Variants in FGF16 observed in about 807,000 individuals in gnomAD.
The protein encoded by FGF16 is fibroblast growth factor 16, also known as metacarpal 4-5 fusion.
FGF16 carries 2 observed loss-of-function variants against 8.5 expected under a neutral mutation model. The ratio of observed to expected loss-of-function variants is 0.24; its 90% CI spans 0.10 to 0.75. The LOEUF is 0.75. Ranked by LOEUF, FGF16 falls within the 30% of genes least tolerant of loss-of-function variation. The probability of loss-of-function intolerance (pLI) is 0.74; values close to 1 mark genes in which losing one functional copy is unlikely to be tolerated. For synonymous variants in FGF16, 33 were observed against 34.6 expected, an observed-to-expected ratio of 0.95 and a Z score of 0.16; for missense variants, 79 against 87.4, an observed-to-expected ratio of 0.90 and a Z score of 0.38.
At chrX:77,454,790 CTTTTT>C (rs782722552) in intron 2 of FGF16, among the ~76,000 whole-genome samples, 1 of 81,152 alleles carries the variant, frequency 1.2e-5, no homozygotes, top group African/African-American at 4.7e-5. Flanking sequence ...CCAAAACAAG[CTTTTT>C]TTTTTTTTTT....
At position 77,456,530 on chromosome X, in the gene FGF16, C is replaced by G; in HGVS notation, c.*8C>G. Reference sequence around the variant, plus strand: ...CTCTTTCACTATAGGTAATGAACCTCTGGTGTGCCCTCTGTGACCCATGTA... The same window carrying G: ...CTCTTTCACTATAGGTAATGAACCTGTGGTGTGCCCTCTGTGACCCATGTA... On this transcript the variant is annotated 3_prime_UTR_variant, in exon 3 of 3. Coordinates refer to ENST00000439435, the MANE Select transcript of FGF16 (RefSeq NM_003868.3). The G allele has an allele frequency of 2.5e-5, 30 of 1,207,979 alleles. No individual in the cohort carries two copies. Among genetic ancestry groups the G allele is most frequent in the Non-Finnish European group, 3.4e-5 (30 of 892,576 alleles).
rs1569510623 is a variant in FGF16, at chrX:77,454,217, G to T, written c.335G>T (p.Gly112Val). Residue 112 changes from glycine (G) to valine (V), a missense_variant, in exon 2 of 3, where the codon GGC becomes GTC. Transcript: ENST00000439435. ...GLISIRGVDS[G>V]LYLGMNERGE... is the part of the protein sequence containing the mutation. ...ATCAGCATCCGGGGAGTGGACTCTG[G>T]CCTGTACCTAGGAATGAATGAGCGA... 1 of 1,173,228 alleles carries T rather than the reference G, an allele frequency of 8.5e-7. No individual in the cohort carries two copies. The highest frequency in any genetic ancestry group is 1.8e-5 in the South Asian group (1 of 55,410).
rs2062544715 is a variant in FGF16, at chrX:77,447,485, C to A, written c.-190C>A. On this transcript the variant is annotated 5_prime_UTR_variant, in exon 1 of 3. Transcript: ENST00000439435. Reference sequence around the variant, plus strand: ...GTCAGGAGCACGCTGCCCCGCGCTCCCCGCCACTGAGAAGTTCCTTGGACG... The same window carrying A: ...GTCAGGAGCACGCTGCCCCGCGCTCACCGCCACTGAGAAGTTCCTTGGACG... 1.1e-5 allele frequency: 3 copies of A among 277,100 alleles called. No individual in the cohort carries two copies. Among genetic ancestry groups the A allele is most frequent in the African/African-American group, 2.8e-5 (1 of 35,659 alleles). The allele number at this position is 277,100 out of a possible 1,213,427, so 22.8% of individuals were successfully genotyped here.
intron 1 of FGF16, among the ~76,000 whole-genome samples, chrX:77,452,752 A>G (rs2062560975): frequency 8.9e-6 from 1 of 111,815 alleles, no homozygotes; most frequent in Admixed American, 9.5e-5. Flanking sequence ...TACTCCCTAT[A>G]TAGATTACAT....
chrX:77,447,428 G>T lies in FGF16; in HGVS notation c.-247G>T, dbSNP rs1237179873. On this transcript the variant is annotated 5_prime_UTR_variant, in exon 1 of 3. Transcript: ENST00000439435. The stretch of plus-strand genomic sequence containing the variant: ...ATGAGAGGCCGGGGGAGATGGATGC[G>T]GAGGGGAAGAGGCACTTTGACTGAG... The T allele has an allele frequency of 2.7e-5, 7 of 256,974 alleles. No individual in the cohort carries two copies. Among genetic ancestry groups the T allele is most frequent in the African/African-American group, 1.7e-4 (6 of 35,048 alleles). The allele number at this position is 256,974 out of a possible 1,213,427, so 21.2% of individuals were successfully genotyped here. A position where few individuals can be genotyped will look rare whatever the true frequency, so the allele number is the denominator to read the frequency against.
rs1557026863 is a variant in FGF16, at chrX:77,454,242, A to G, written c.360A>G (p.Arg120=). The change falls in exon 2 of 3, where the codon CGA becomes CGG. Residue 120 remains arginine, a synonymous_variant. Transcript: ENST00000439435. The part of the protein sequence containing the change: ...DSGLYLGMNE[R]GELYGSKKLT... ...GCCTGTACCTAGGAATGAATGAGCG[A>G]GGAGAACTCTATGGGTCGGTAAGTT... is the stretch of plus-strand genomic sequence containing the variant. 2 of 616,619 alleles carry G rather than the reference A, an allele frequency of 3.2e-6. No individual in the cohort carries two copies. The highest frequency in any genetic ancestry group is 2.9e-5 in the Admixed American group (1 of 34,731). 50.8% of individuals were successfully genotyped at this position (616,619 alleles called of 1,213,427 possible).
intron 1 of FGF16, among the ~76,000 whole-genome samples, chrX:77,452,976 C>A (rs1011180559): frequency 9.0e-6 from 1 of 111,013 alleles, no homozygotes; most frequent in Non-Finnish European, 1.9e-5. Flanking sequence ...ACGAGGGAGG[C>A]TGAGGTGGGA....
chrX:77,448,020 C>T (rs951804738), intron 1 of FGF16, 72 bp downstream of exon 1: 319 of 296,075 alleles, frequency 1.1e-3, no homozygotes, highest in Non-Finnish European at 1.7e-3. Context: ...CGGGCTCAGG[C>T]GTAGGGCCCG....
In FGF16 at chrX:77,456,718, G is replaced by T. The variant is rs1173615889; in HGVS notation, c.*196G>T. 1 of 400,637 alleles carries T rather than the reference G, an allele frequency of 2.5e-6. No individual in the cohort carries two copies. Among genetic ancestry groups the T allele is most frequent in the East Asian group, 4.0e-5 (1 of 24,812 alleles). The allele number at this position is 400,637 out of a possible 1,213,427, so 33.0% of individuals were successfully genotyped here. On this transcript the variant is annotated 3_prime_UTR_variant, in exon 3 of 3. Transcript: ENST00000439435. ...AGGTTGGGTTATTTTGGGGAGGGAT[G>T]GGGGGCTGGGCTCGAGGGAATCTTG...
chrX:77,451,802 T>C (rs1557026697), intron 1 of FGF16, among the ~76,000 whole-genome samples: 1 of 112,319 alleles, frequency 8.9e-6, no homozygotes, highest in Non-Finnish European at 1.9e-5. Context: ...CTCTTAGCCA[T>C]TGTTGTGTTT....
chrX:77,454,405 C>T, intron 2 of FGF16, 145 bp downstream of exon 2: 1 of 365,576 alleles, frequency 2.7e-6, no homozygotes, highest in South Asian at 5.2e-5. Flanking sequence ...AATCCCAGCA[C>T]TTTGGGAGGC....
intron 1 of FGF16, among the ~76,000 whole-genome samples, chrX:77,450,216 G>A (rs1035866084): frequency 1.8e-5 from 2 of 111,952 alleles, no homozygotes; most frequent in African/African-American, 3.2e-5. Context: ...TTTCTGCTAG[G>A]GGGGAAGAGG....
intron 2 of FGF16, 24 bp downstream of exon 2, chrX:77,454,284 T>TG (rs1358066477): frequency 2.5e-6 from 2 of 792,950 alleles, no homozygotes; most frequent in Non-Finnish European, 3.5e-6. Context: ...TTTTTTTTTT[T>TG]TTTTTTTTTT....
Position 77,454,272 on chromosome X carries a change from GTTTTTTTTTTTTT to G in FGF16, c.378+30_378+42del, listed in dbSNP as rs782034788. The G allele has an allele frequency of 2.7e-4, 41 of 151,435 alleles. No individual in the cohort carries two copies. Among genetic ancestry groups the G allele is most frequent in the Admixed American group, 5.7e-4 (4 of 7,008 alleles). The allele number at this position is 151,435 out of a possible 1,213,427, so 12.5% of individuals were successfully genotyped here. The stretch of plus-strand genomic sequence containing the variant: ...AACTCTATGGGTCGGTAAGTTTAAG[GTTTTTTTTTTTTT>G]TTTTTTTTTTTTTTTTTGGTCAGAG... On this transcript the variant is annotated intron_variant, in intron 2 of 2. Transcript: ENST00000439435.
chrX:77,450,157 A>G (rs1326354733), intron 1 of FGF16, among the ~76,000 whole-genome samples: 1 of 112,394 alleles, frequency 8.9e-6, no homozygotes, highest in Non-Finnish European at 1.9e-5. Context: ...AGCAGTCAAC[A>G]TTCCAGCAGG....
At chrX:77,453,279 A>G (rs960381564) in intron 1 of FGF16, among the ~76,000 whole-genome samples, 4 of 111,503 alleles carry the variant, frequency 3.6e-5, no homozygotes, top group African/African-American at 1.3e-4. Flanking sequence ...TCTTGGGACA[A>G]AATTGTAGTC....
chrX:77,449,807 G>C (rs1007596922), intron 1 of FGF16, among the ~76,000 whole-genome samples: 1 of 111,133 alleles, frequency 9.0e-6, no homozygotes, highest in Non-Finnish European at 1.9e-5. Flanking sequence ...AGGAGGAAGG[G>C]ACATTTTCAC....
In FGF16 at chrX:77,456,384, C is replaced by T. The variant is rs2062572228; in HGVS notation, c.486C>T (p.Tyr162=). 3.3e-6 allele frequency: 4 copies of T among 1,208,729 alleles called. No homozygotes were observed. The highest frequency in any genetic ancestry group is 4.5e-6 in the Non-Finnish European group (4 of 894,196). The change falls in exon 3 of 3, where the codon TAC becomes TAT. Residue 162 remains tyrosine, a synonymous_variant. Coordinates refer to ENST00000439435, the MANE Select transcript of FGF16 (RefSeq NM_003868.3). ...YKHSDSERQY[Y]VALNKDGSPR... ...ATTCGGACTCAGAGAGACAGTATTA[C>T]GTGGCCCTGAACAAAGATGGCTCAC... is the stretch of plus-strand genomic sequence containing the variant.
intron 1 of FGF16, among the ~76,000 whole-genome samples, chrX:77,453,941 C>T (rs2062564584): frequency 9.0e-6 from 1 of 111,381 alleles, no homozygotes; most frequent in Non-Finnish European, 1.9e-5. Context: ...GATGGTGTCC[C>T]CCGTTTTACA....
Sources: gnomAD v4.1 joint callset for allele counts (sites outside exome capture counted in the v4.1 genomes callset) on GRCh38, gnomAD v4.1.1 for gene constraint, MANE v1.5 for transcripts, NCBI Gene and HGNC (gene_info 2026-07-23, HGNC 2026-07-21) for gene names.